C10orf71: variants seen among roughly 807,000 people sequenced by gnomAD.
C10orf71 encodes the protein cardiac-enriched FHL2-interacting protein.
For synonymous variants in C10orf71, 758 were observed against 726.3 expected (o/e 1.04, Z -0.70); for missense variants, 1,869 against 1,804.5 (o/e 1.04, Z -0.65).
chr10:49,300,031 CTT>C (rs1440963703), intron 1 of C10orf71, among the ~76,000 whole-genome samples: 1 of 152,204 alleles, frequency 6.6e-6, no homozygotes, highest in Non-Finnish European at 1.5e-5. Context: ...AAAATTACCT[CTT>C]TTATTTTCTG....
At chr10:49,299,054 C>G (rs1848679381), upstream of C10orf71, 1 of 152,202 alleles carries the variant, frequency 6.6e-6, no homozygotes, top group African/African-American at 2.4e-5. Flanking sequence ...AAGCGGCAAG[C>G]AATTTCTCAC....
At chr10:49,315,200 A>G (rs886177875) in intron 1 of C10orf71, among the ~76,000 whole-genome samples, 9 of 152,214 alleles carry the variant, frequency 5.9e-5, no homozygotes, top group African/African-American at 2.2e-4. Context: ...CCACCAATTC[A>G]AGCAATTATG....
upstream of C10orf71, among the ~76,000 whole-genome samples, chr10:49,297,856 G>A (rs965359154): frequency 6.6e-6 from 1 of 152,188 alleles, no homozygotes; most frequent in African/African-American, 2.4e-5. Flanking sequence ...GTAAAATTGA[G>A]GGGTTCACTT....
In C10orf71 at chr10:49,326,580, C is replaced by T; in HGVS notation, c.4035C>T (p.Ala1345=). 6.4e-7 allele frequency: 1 copy of T among 1,550,672 alleles called. No homozygotes were observed. The highest frequency in any genetic ancestry group is 8.7e-7 in the Non-Finnish European group (1 of 1,146,866). The change falls in exon 3 of 3, where the codon GCC becomes GCT. Residue 1345 remains alanine (A), a synonymous_variant. Coordinates refer to ENST00000374144, the MANE Select transcript of C10orf71 (RefSeq NM_001135196.2). Reference sequence around the variant, plus strand: ...GCTTCCAGCCAGTGCCCGTGACGGCCTTGATGCCGCTGCGCTGCTCCTCTC... The same window carrying T: ...GCTTCCAGCCAGTGCCCGTGACGGCTTTGATGCCGCTGCGCTGCTCCTCTC... ...YPGFQPVPVT[A]LMPLRCSSQL...
rs1347806755 is a variant in C10orf71, at chr10:49,324,477, C to T, written c.1932C>T (p.His644=). 1.9e-6 allele frequency: 3 copies of T among 1,608,942 alleles called. No homozygotes were observed. In the South Asian group the frequency reaches 3.3e-5, roughly 18 times the overall value. The change falls in exon 3 of 3, where the codon CAC becomes CAT. Residue 644 remains histidine, a synonymous_variant. Coordinates refer to ENST00000374144, the MANE Select transcript of C10orf71 (RefSeq NM_001135196.2). ...PDSREHRPRK[H]LSLRLCNRDP... is the part of the protein sequence containing the mutation. ...CCAGGGAACACCGCCCCAGGAAACA[C>T]CTCTCCCTGAGGCTTTGCAATAGGG... is the stretch of plus-strand genomic sequence containing the variant.
chr10:49,315,406 G>T (rs1205793275), intron 1 of C10orf71, among the ~76,000 whole-genome samples: 1 of 152,138 alleles, frequency 6.6e-6, no homozygotes, highest in Non-Finnish European at 1.5e-5. Flanking sequence ...GCTGTCAGAA[G>T]ACTCAAGCCT....
chr10:49,319,651 C>T (rs1018623706), intron 2 of C10orf71, among the ~76,000 whole-genome samples: 207 of 138,894 alleles, frequency 1.5e-3, no homozygotes, highest in African/African-American at 5.2e-3. Context: ...ATAAGCAAAA[C>T]GTGGTGTATA....
In C10orf71 at chr10:49,322,419, C is replaced by T. The variant is rs1849108985; in HGVS notation, c.-127C>T. 2.5e-6 allele frequency: 3 copies of T among 1,187,414 alleles called. No individual in the cohort carries two copies. Among genetic ancestry groups the T allele is most frequent in the African/African-American group, 1.6e-5 (1 of 64,316 alleles). 73.6% of individuals were successfully genotyped at this position (1,187,414 alleles called of 1,614,324 possible). On this transcript the variant is annotated 5_prime_UTR_variant, in exon 3 of 3. Coordinates refer to ENST00000374144, the MANE Select transcript of C10orf71 (RefSeq NM_001135196.2). The stretch of plus-strand genomic sequence containing the variant: ...TTTTGCAGAGAAAAAAAAAAATCCC[C>T]ACTTTGCAATTGCATCTGGTCAATG...
upstream of C10orf71, chr10:49,298,684 A>G (rs113070955): frequency 0.013 from 1,954 of 152,338 alleles, 34 homozygotes; most frequent in African/African-American, 0.037. Context: ...CCAAGTGGAC[A>G]CTTACCTTGC....
chr10:49,313,793 A>T (rs184225476), intron 1 of C10orf71, among the ~76,000 whole-genome samples: 322 of 152,292 alleles, frequency 2.1e-3, no homozygotes, highest in African/African-American at 7.6e-3. Flanking sequence ...TGCTTTAAAC[A>T]TGTGGGTTGG....
At chr10:49,320,090 G>A (rs1849069552) in intron 2 of C10orf71, among the ~76,000 whole-genome samples, 1 of 152,118 alleles carries the variant, frequency 6.6e-6, no homozygotes, top group East Asian at 1.9e-4. Context: ...TAACACTACT[G>A]AGTTGTATCT....
At chr10:49,320,631 C>A (rs1281882311) in intron 2 of C10orf71, among the ~76,000 whole-genome samples, 1 of 152,194 alleles carries the variant, frequency 6.6e-6, no homozygotes, top group African/African-American at 2.4e-5. Flanking sequence ...CATGGAATAT[C>A]AGGGAAGGAC....
At position 49,322,550 on chromosome 10, in the gene C10orf71, T is replaced by A; in HGVS notation, c.5T>A (p.Met2Lys). MMQGNKKCTDAF... is the reference protein window; with the variant it reads MKQGNKKCTDAF... Reference sequence around the variant, plus strand: ...CAGCTTTCTTGGAGCCAACAGATGATGCAAGGAAATAAGAAGTGCACAGAC... The same window carrying A: ...CAGCTTTCTTGGAGCCAACAGATGAAGCAAGGAAATAAGAAGTGCACAGAC... The change falls in exon 3 of 3, where the codon ATG becomes AAG. Residue 2 changes from methionine (M) to lysine (K), a missense_variant. Coordinates refer to ENST00000374144, the MANE Select transcript of C10orf71 (RefSeq NM_001135196.2). The A allele has an allele frequency of 6.2e-7, 1 of 1,601,338 alleles. No homozygotes were observed. The highest frequency in any genetic ancestry group is 8.5e-7 in the Non-Finnish European group (1 of 1,171,508).
At chr10:49,311,963 T>C (rs568345378) in intron 1 of C10orf71, among the ~76,000 whole-genome samples, 7 of 152,300 alleles carry the variant, frequency 4.6e-5, no homozygotes, top group African/African-American at 1.7e-4. Flanking sequence ...TCATGAGGCA[T>C]GGCATGGAAA....
chr10:49,302,133 C>A (rs1215218560), intron 1 of C10orf71, among the ~76,000 whole-genome samples: 1 of 152,196 alleles, frequency 6.6e-6, no homozygotes, highest in Non-Finnish European at 1.5e-5. Context: ...CTCCAATTTG[C>A]TTGGGAAGCC....
chr10:49,308,770 G>A (rs758009312), intron 1 of C10orf71, among the ~76,000 whole-genome samples: 8 of 152,210 alleles, frequency 5.3e-5, no homozygotes, highest in Non-Finnish European at 8.8e-5. Context: ...ACATAAATAA[G>A]CTTAAGTCAC....
chr10:49,306,129 G>A (rs1377338200), intron 1 of C10orf71, among the ~76,000 whole-genome samples: 2 of 152,216 alleles, frequency 1.3e-5, no homozygotes, highest in African/African-American at 4.8e-5. Flanking sequence ...GGTGAGGCAC[G>A]GGGCTGCAAT....
intron 2 of C10orf71, among the ~76,000 whole-genome samples, chr10:49,317,605 C>T (rs1226595397): frequency 7.2e-5 from 11 of 152,148 alleles, no homozygotes; most frequent in Admixed American, 7.2e-4. Context: ...AATCCCAACA[C>T]TTTGGGAGGC....
chr10:49,323,861 C>A lies in C10orf71; in HGVS notation c.1316C>A (p.Pro439His). The A allele has an allele frequency of 1.2e-6, 2 of 1,613,366 alleles. No homozygotes were observed. Among genetic ancestry groups the A allele is most frequent in the Non-Finnish European group, 1.7e-6 (2 of 1,179,806 alleles). The change falls in exon 3 of 3, where the codon CCC becomes CAC. Residue 439 changes from proline (P) to histidine (H), a missense_variant. Physicochemically the swap from Pro to His is moderately conservative, Grantham distance 77. Coordinates refer to ENST00000374144, the MANE Select transcript of C10orf71 (RefSeq NM_001135196.2). ...LPVEPNEHYDPPFNISKLLTP... is the reference protein window; with the variant it reads ...LPVEPNEHYDHPFNISKLLTP... ...GTGGAACCCAATGAACATTATGATC[C>A]CCCCTTTAACATCAGTAAGCTCCTG...
Sources: allele counts gnomAD v4.1 joint callset (sites outside exome capture counted in the v4.1 genomes callset), GRCh38; gene constraint gnomAD v4.1.1; transcripts MANE v1.5; gene names NCBI Gene and HGNC (gene_info 2026-07-23, HGNC 2026-07-21).